The following DEFB131B variants were observed in gnomAD, a reference collection of about 807,000 sequenced individuals.
The protein encoded by DEFB131B is defensin beta 131B, also known as beta-defensin 131B.
DEFB131B carries 2 observed loss-of-function variants against 2.1 expected under a neutral mutation model. That is an observed-to-expected ratio of 0.94 (90% CI 0.38 to 2.95). The LOEUF (loss-of-function observed/expected upper bound fraction) is 2.95, where lower values mean the gene tolerates loss of function less well. Ranked by LOEUF, DEFB131B falls within the 30% of genes most tolerant of loss-of-function variation. The probability of loss-of-function intolerance (pLI) is 0.09; values close to 1 mark genes in which losing one functional copy is unlikely to be tolerated. For synonymous variants in DEFB131B, 26 were observed against 25.8 expected (o/e 1.01, Z -0.03); for missense variants, 77 against 78.5 (o/e 0.98, Z 0.07).
intron 1 of DEFB131B, among the ~76,000 whole-genome samples, chr11:71,882,785 T>A (rs2121354710): frequency 6.6e-6 from 1 of 152,258 alleles, no homozygotes; most frequent in South Asian, 2.1e-4. Flanking sequence ...GCATCCAAAC[T>A]GTTGGGGGGT....
intron 1 of DEFB131B, among the ~76,000 whole-genome samples, chr11:71,878,732 T>C (rs1311036951): frequency 6.6e-6 from 1 of 152,014 alleles, no homozygotes; most frequent in Non-Finnish European, 1.5e-5. Flanking sequence ...CAGTGGCTCA[T>C]GTCTATAATC....
At chr11:71,882,178 AG>A (rs1952569316) in intron 1 of DEFB131B, among the ~76,000 whole-genome samples, 1 of 152,004 alleles carries the variant, frequency 6.6e-6, no homozygotes, top group Non-Finnish European at 1.5e-5. Flanking sequence ...AAACCACATA[AG>A]CAAAAAGAGA....
In DEFB131B at chr11:71,881,379, C is replaced by T. The variant is rs186324257; in HGVS notation, c.58+2869C>T. ...ATAGGGTTATCATAATAAAGTACCA[C>T]ATAATGGGTGCCTTAAATAACAAAA... On this transcript the variant is annotated intron_variant, in intron 1 of 1. Coordinates refer to ENST00000530210, the MANE Select transcript of DEFB131B (RefSeq NM_001242853.1). 4.8e-3 allele frequency among the ~76,000 whole-genome samples: 728 copies of T among 152,264 alleles called. 6 individuals carry two copies. Among genetic ancestry groups the T allele is most frequent in the African/African-American group, 0.017 (695 of 41,532 alleles).
intron 1 of DEFB131B, among the ~76,000 whole-genome samples, chr11:71,882,213 TAA>T (rs59043498): frequency 0.043 from 6,226 of 143,702 alleles, 439 homozygotes; most frequent in African/African-American, 0.15. Context: ...TTTAAAATGT[TAA>T]AAAAAAAAAA....
At chr11:71,879,617 G>A (rs1215528970) in intron 1 of DEFB131B, among the ~76,000 whole-genome samples, 1 of 151,610 alleles carries the variant, frequency 6.6e-6, no homozygotes, top group Non-Finnish European at 1.5e-5. Context: ...TATTTTTATT[G>A]AGATAAAATT....
At chr11:71,882,589 G>T (rs1240135958) in intron 1 of DEFB131B, among the ~76,000 whole-genome samples, 1 of 152,178 alleles carries the variant, frequency 6.6e-6, no homozygotes, top group Non-Finnish European at 1.5e-5. Flanking sequence ...AATAGAGTTT[G>T]TCACCAGTAG....
intron 1 of DEFB131B, 88 bp from the exon 2 acceptor site, chr11:71,884,319 G>T: frequency 3.7e-6 from 5 of 1,357,460 alleles, no homozygotes; most frequent in South Asian, 2.0e-5. Flanking sequence ...GTTCTGTAAT[G>T]CTTTTAATTT....
intron 1 of DEFB131B, among the ~76,000 whole-genome samples, chr11:71,880,942 C>T (rs1952557385): frequency 6.6e-6 from 1 of 152,114 alleles, no homozygotes; most frequent in South Asian, 2.1e-4. Context: ...TATGGTCTAG[C>T]CTGGAGAATG....
intron 1 of DEFB131B, among the ~76,000 whole-genome samples, chr11:71,882,354 C>T (rs113946155): frequency 0.036 from 5,526 of 152,090 alleles, 336 homozygotes; most frequent in African/African-American, 0.13. Flanking sequence ...CTTCCTGGGT[C>T]CAAGCAATCT....
intron 1 of DEFB131B, among the ~76,000 whole-genome samples, chr11:71,883,721 G>C (rs944468461): frequency 6.6e-6 from 1 of 151,802 alleles, no homozygotes; most frequent in Non-Finnish European, 1.5e-5. Flanking sequence ...AAAGGATTTG[G>C]GAAGGATTGG....
At chr11:71,879,309 T>G (rs1325772340) in intron 1 of DEFB131B, among the ~76,000 whole-genome samples, 1 of 152,190 alleles carries the variant, frequency 6.6e-6, no homozygotes, top group Non-Finnish European at 1.5e-5. Flanking sequence ...GATTCCACCT[T>G]AATTTTTAAC....
At chr11:71,882,436 G>T (rs1181945238) in intron 1 of DEFB131B, among the ~76,000 whole-genome samples, 1 of 152,044 alleles carries the variant, frequency 6.6e-6, no homozygotes, top group Admixed American at 6.6e-5. Flanking sequence ...TCACTAGTTT[G>T]GCCAGGCTGG....
At chr11:71,882,069 A>G (rs1407655203) in intron 1 of DEFB131B, among the ~76,000 whole-genome samples, 1 of 152,168 alleles carries the variant, frequency 6.6e-6, no homozygotes, top group African/African-American at 2.4e-5. Flanking sequence ...TGAAACTGCC[A>G]AAAATCAAAG....
chr11:71,879,456 G>C (rs1043164243), intron 1 of DEFB131B, among the ~76,000 whole-genome samples: 2 of 152,106 alleles, frequency 1.3e-5, no homozygotes, highest in African/African-American at 4.8e-5. Context: ...TTAGATTACT[G>C]GTTGACTTAT....
In DEFB131B at chr11:71,884,416, T is replaced by G. The variant is rs777514257; in HGVS notation, c.68T>G (p.Phe23Cys). 3 of 1,586,310 alleles carry G rather than the reference T, an allele frequency of 1.9e-6. No homozygotes were observed. The highest frequency in any genetic ancestry group is 3.6e-5 in the Admixed American group (2 of 56,130). ...LMSTVPPTRSFTSNDECPSEY... is the reference protein window; with the variant it reads ...LMSTVPPTRSCTSNDECPSEY... ...TCTTCTCTTTTTAAAGCCAGAAGCT[T>G]CACTTCTAATGATGAATGTCCTTCA... The change falls in exon 2 of 2, where the codon TTC (phenylalanine) becomes TGC (cysteine). Residue 23 changes from phenylalanine to cysteine, a missense_variant. By Grantham distance (205) the Phe-to-Cys change is radical. Coordinates refer to ENST00000530210, the MANE Select transcript of DEFB131B (RefSeq NM_001242853.1).
chr11:71,884,558 G>A lies in DEFB131B; in HGVS notation c.210G>A (p.Trp70Ter), dbSNP rs1201426267. The A allele has an allele frequency of 6.2e-7, 1 of 1,601,030 alleles. No homozygotes were observed. Among genetic ancestry groups the A allele is most frequent in the Non-Finnish European group, 8.5e-7 (1 of 1,173,396 alleles). ...TTCAAATTGATGGACAAAAGAAGTG[G>A]TGAAAATTCTAACTCCATCTTCTTC... ...KIIQIDGQKK[W>*] is the part of the protein sequence containing the mutation. The change falls in exon 2 of 2, where the codon TGG (tryptophan) becomes TGA (stop). Residue 70 changes from tryptophan to a stop codon, truncating the protein, a stop_gained. Transcript: ENST00000530210. LOFTEE classifies it high-confidence loss of function.
chr11:71,882,222 A>T (rs1346958677), intron 1 of DEFB131B, among the ~76,000 whole-genome samples: 1 of 152,124 alleles, frequency 6.6e-6, no homozygotes, highest in Non-Finnish European at 1.5e-5. Flanking sequence ...TTAAAAAAAA[A>T]AAAAGAACAC....
At chr11:71,882,075 C>G (rs1308062151) in intron 1 of DEFB131B, among the ~76,000 whole-genome samples, 3 of 151,564 alleles carry the variant, frequency 2.0e-5, no homozygotes, top group Non-Finnish European at 4.4e-5. Context: ...TGCCAAAAAT[C>G]AAAGACGAAA....
At chr11:71,881,329 T>C (rs777917015) in intron 1 of DEFB131B, among the ~76,000 whole-genome samples, 24 of 152,198 alleles carry the variant, frequency 1.6e-4, no homozygotes, top group Admixed American at 3.9e-4. Context: ...TAAATATAGA[T>C]GTATTAGGCC....
Sources: gnomAD v4.1 joint callset for allele counts (sites outside exome capture counted in the v4.1 genomes callset) on GRCh38, gnomAD v4.1.1 for gene constraint, MANE v1.5 for transcripts, NCBI Gene and HGNC (gene_info 2026-07-23, HGNC 2026-07-21) for gene names.